The following HGFAC variants were observed in gnomAD, a reference collection of about 807,000 sequenced individuals.
The protein encoded by HGFAC is HGF activator.
A neutral mutation model predicts 70.6 loss-of-function variants in HGFAC; 76 were observed. The observed-to-expected ratio is 1.08, with a 90% CI of 0.89 to 1.30. HGFAC has a LOEUF of 1.30. HGFAC is among the 50% of genes most tolerant of loss of function. The probability of loss-of-function intolerance (pLI) is 0.00; values close to 1 mark genes in which losing one functional copy is unlikely to be tolerated. For missense variants in HGFAC, 1,044 were observed against 933.7 expected (o/e 1.12, Z -1.54); for synonymous variants, 464 against 405.3 (o/e 1.14, Z -1.74).
chr4:3,445,448 T>G, intron 9 of HGFAC, 98 bp downstream of exon 9: 1 of 850,646 alleles, frequency 1.2e-6, no homozygotes, highest in Non-Finnish European at 1.9e-6. Context: ...GGCTACTGCA[T>G]CTCTGACAAA....
At chr4:3,448,067 C>G (rs911647436) in intron 12 of HGFAC, 32 bp downstream of exon 12, 2 of 1,556,564 alleles carry the variant, frequency 1.3e-6, no homozygotes, top group African/African-American at 2.7e-5. Context: ...CAGCGCCCCG[C>G]CAGGGTGGAC....
rs1451139342 is a variant in HGFAC at position 3,442,009 on chromosome 4, G to T, written c.8G>T (p.Arg3Leu). The change falls in exon 1 of 14, where the codon CGC (arginine) becomes CTC (leucine). Residue 3 changes from arginine to leucine, a missense_variant. By Grantham distance (102) the Arg-to-Leu change is moderately radical. Transcript: ENST00000382774. ...CAGGCCAGCTCAGGAGCCATGGGGC[G>T]CTGGGCCTGGGTCCCCAGCCCCTGG... MGRWAWVPSPWPP... is the reference protein window; with the variant it reads MGLWAWVPSPWPP... The T allele has an allele frequency of 6.7e-7, 1 of 1,497,538 alleles. No individual in the cohort carries two copies. The highest frequency in any genetic ancestry group is 8.8e-7 in the Non-Finnish European group (1 of 1,137,638). The allele number at this position is 1,497,538 out of a possible 1,614,324, so 92.8% of individuals were successfully genotyped here.
At position 3,449,239 on chromosome 4, in the gene HGFAC, G is replaced by T; in HGVS notation, c.1788G>T (p.Gly596=). The T allele has an allele frequency of 1.2e-6, 2 of 1,611,558 alleles. No individual in the cohort carries two copies. The highest frequency in any genetic ancestry group is 1.1e-5 in the South Asian group (1 of 90,968). ...YFDCKSDACQ[G]DSGGPLACEK... ...CTCTGACCAACGTCTCTGCCCAGGGGGACTCAGGGGGGCCCCTGGCCTGCG... is the reference window on the plus strand; with the variant it reads ...CTCTGACCAACGTCTCTGCCCAGGGTGACTCAGGGGGGCCCCTGGCCTGCG... Residue 596 remains glycine (G), a splice_region_variant and synonymous_variant, in exon 14 of 14, where the codon GGG becomes GGT. Transcript: ENST00000382774.
Position 3,446,166 on chromosome 4 carries a change from C to G in HGFAC, c.1227C>G (p.Ile409Met), listed in dbSNP as rs769652550. 1 of 1,611,512 alleles carries G rather than the reference C, an allele frequency of 6.2e-7. No individual in the cohort carries two copies. The change falls in exon 10 of 14, where the codon ATC becomes ATG. Residue 409 changes from isoleucine (I) to methionine (M), a missense_variant. Ile to Met is a conservative substitution (Grantham distance 10, BLOSUM62 1). Coordinates refer to ENST00000382774, the MANE Select transcript of HGFAC (RefSeq NM_001528.4). ...KKRTFLRPRI[I>M]GGSSSLPGSH... ...GGACGTTCCTGCGGCCACGTATCATCGGCGGCTCCTCCTCGCTGCCCGGCT... is the reference window on the plus strand; with the variant it reads ...GGACGTTCCTGCGGCCACGTATCATGGGCGGCTCCTCCTCGCTGCCCGGCT...
In HGFAC at chr4:3,442,799, C is replaced by G. The variant is rs138512609; in HGVS notation, c.185C>G (p.Ser62Cys). Residue 62 changes from serine (S) to cysteine (C), a missense_variant, in exon 2 of 14, where the codon TCT (serine) becomes TGT (cysteine). By Grantham distance (112) the Ser-to-Cys change is moderately radical. Coordinates refer to ENST00000382774, the MANE Select transcript of HGFAC (RefSeq NM_001528.4). ...TPAIPTILVT[S>C]VTSETPATSA... Reference sequence around the variant, plus strand: ...GCGATCCCCACTATCCTGGTGACCTCTGTGACCTCTGAGACCCCAGCAACA... The same window carrying G: ...GCGATCCCCACTATCCTGGTGACCTGTGTGACCTCTGAGACCCCAGCAACA... The G allele has an allele frequency of 6.3e-7, 1 of 1,585,888 alleles. No homozygotes were observed. Among genetic ancestry groups the G allele is most frequent in the East Asian group, 2.2e-5 (1 of 44,530 alleles).
chr4:3,442,313 G>A (rs1725343983), intron 1 of HGFAC, among the ~76,000 whole-genome samples, 195 bp downstream of exon 1: 1 of 152,190 alleles, frequency 6.6e-6, no homozygotes. Context: ...CTGGGGCCTG[G>A]GCTCACGGAG....
In HGFAC at chr4:3,443,059, A is replaced by G; in HGVS notation, c.308A>G (p.Glu103Gly). ...SSSPQAQALT[E>G]DGRPCRFPFR... Reference sequence around the variant, plus strand: ...CACCCCCTCCCCACAGCACTCACCGAGGACGGGAGGCCCTGCAGGTTCCCC... The same window carrying G: ...CACCCCCTCCCCACAGCACTCACCGGGGACGGGAGGCCCTGCAGGTTCCCC... Residue 103 changes from glutamate to glycine, a missense_variant, in exon 3 of 14, where the codon GAG becomes GGG. Physicochemically the swap from Glu to Gly is moderately conservative, Grantham distance 98. Coordinates refer to ENST00000382774, the MANE Select transcript of HGFAC (RefSeq NM_001528.4). 5.6e-6 allele frequency: 9 copies of G among 1,598,850 alleles called. No individual in the cohort carries two copies. The highest frequency in any genetic ancestry group is 7.6e-6 in the Non-Finnish European group (9 of 1,178,322).
chr4:3,449,076 C>T (rs1334220306), intron 13 of HGFAC, among the ~76,000 whole-genome samples, 161 bp from the exon 14 acceptor site: 4 of 152,112 alleles, frequency 2.6e-5, no homozygotes, highest in Non-Finnish European at 5.9e-5. Context: ...CCAGTGCTGC[C>T]CCCAGGGAAT....
chr4:3,444,752 C>A lies in HGFAC; in HGVS notation c.841+19C>A, dbSNP rs770592174. 4 of 1,579,114 alleles carry A rather than the reference C, an allele frequency of 2.5e-6. No homozygotes were observed. The highest frequency in any genetic ancestry group is 3.4e-6 in the Non-Finnish European group (4 of 1,166,208). ...AACATCGGTGAGTGGGTCAGCCCCC[C>A]GGGGTGCCCTGGGGCAGTGCCGGGT... is the stretch of plus-strand genomic sequence containing the variant. On this transcript the variant is annotated intron_variant, in intron 7 of 13. Transcript: ENST00000382774.
intron 9 of HGFAC, 142 bp downstream of exon 9, chr4:3,445,492 C>A: frequency 1.4e-6 from 1 of 691,126 alleles, no homozygotes. Context: ...TCAGGCTGGT[C>A]CAAGGTCACG....
At position 3,443,400 on chromosome 4, in the gene HGFAC, C is replaced by A; in HGVS notation, c.455C>A (p.Thr152Asn). 6.7e-7 allele frequency: 1 copy of A among 1,483,174 alleles called. No homozygotes were observed. The highest frequency in any genetic ancestry group is 9.0e-7 in the Non-Finnish European group (1 of 1,115,170). 91.9% of individuals were successfully genotyped at this position (1,483,174 alleles called of 1,614,324 possible). A position where few individuals can be genotyped will look rare whatever the true frequency, so the allele number is the denominator to read the frequency against. Residue 152 changes from threonine (T) to asparagine (N), a missense_variant, in exon 4 of 14, where the codon ACC becomes AAC. Physicochemically the swap from Thr to Asn is moderately conservative, Grantham distance 65. Coordinates refer to ENST00000382774, the MANE Select transcript of HGFAC (RefSeq NM_001528.4). ...DRAWGYCVEA[T>N]PPPGGPAALD... is the part of the protein sequence containing the mutation. ...GCCTGGGGCTACTGTGTGGAGGCCA[C>A]CCCGCCTCCAGGGGGCCCAGGTGGG...
At chr4:3,443,019 G>T in intron 2 of HGFAC, 31 bp from the exon 3 acceptor site, 1 of 1,564,290 alleles carries the variant, frequency 6.4e-7, no homozygotes, top group Non-Finnish European at 8.7e-7. Flanking sequence ...CCCCTCGAGG[G>T]AGCCCTGACC....
In HGFAC at chr4:3,445,328, G is replaced by A; in HGVS notation, c.1080G>A (p.Glu360=). The change falls in exon 9 of 14, where the codon GAG becomes GAA. Residue 360 remains glutamate, a synonymous_variant. Coordinates refer to ENST00000382774, the MANE Select transcript of HGFAC (RefSeq NM_001528.4). The part of the protein sequence containing the change: ...YVVKDSALSW[E]YCRLEACESL... ...TGAAGGACAGCGCGCTCTCCTGGGA[G>A]TACTGCCGCCTGGAGGCCTGCGGTG... 3.2e-6 allele frequency: 5 copies of A among 1,584,400 alleles called. No individual in the cohort carries two copies. The South Asian group carries it at 5.8e-5, about 18-fold the overall frequency.
chr4:3,442,491 C>T (rs1238948970), intron 1 of HGFAC, among the ~76,000 whole-genome samples: 1 of 152,172 alleles, frequency 6.6e-6, no homozygotes, highest in Non-Finnish European at 1.5e-5. Context: ...AGGGTTTAAG[C>T]TTGGTGGGTA....
rs371045188 is a variant in HGFAC at position 3,446,331 on chromosome 4, G to A, written c.1355+37G>A. On this transcript the variant is annotated intron_variant, in intron 10 of 13. Transcript: ENST00000382774. ...CTGGGCCCCAGTCACCTGCCCTGAG[G>A]CCCCACACACCATCCAGCGTCACTA... 3.8e-4 allele frequency: 597 copies of A among 1,586,884 alleles called. 1 individual carries two copies. Among genetic ancestry groups the A allele is most frequent in the Non-Finnish European group, 4.9e-4 (578 of 1,168,844 alleles).
At position 3,442,905 on chromosome 4, in the gene HGFAC, G is replaced by A. The variant is rs1416020341; in HGVS notation, c.291G>A (p.Gln97=). Residue 97 remains glutamine (Q), a synonymous_variant, in exon 2 of 14, where the codon CAG becomes CAA. Coordinates refer to ENST00000382774, the MANE Select transcript of HGFAC (RefSeq NM_001528.4). ...PRAVPSSSSP[Q]AQALTEDGRP... is the part of the protein sequence containing the mutation. Reference sequence around the variant, plus strand: ...CAGTTCCCTCGAGCAGTAGCCCCCAGGCCCAAGGTGGGTCAGGTGGGCCTG... The same window carrying A: ...CAGTTCCCTCGAGCAGTAGCCCCCAAGCCCAAGGTGGGTCAGGTGGGCCTG... 6.4e-7 allele frequency: 1 copy of A among 1,563,152 alleles called. No individual in the cohort carries two copies. Among genetic ancestry groups the A allele is most frequent in the Non-Finnish European group, 8.6e-7 (1 of 1,156,262 alleles).
rs750409456 is a variant in HGFAC at position 3,445,237 on chromosome 4, C to T, written c.1017-28C>T. ...CCCTCTTCGAGGGGCAGTGTGACTC[C>T]CTGCCAGCCCCCACTTATGCACCGC... On this transcript the variant is annotated intron_variant, in intron 8 of 13. Coordinates refer to ENST00000382774, the MANE Select transcript of HGFAC (RefSeq NM_001528.4). 12 of 1,533,522 alleles carry T rather than the reference C, an allele frequency of 7.8e-6. No homozygotes were observed. In the East Asian group the frequency reaches 2.9e-4, roughly 37 times the overall value. The allele number at this position is 1,533,522 out of a possible 1,614,324, so 95.0% of individuals were successfully genotyped here. A position where few individuals can be genotyped will look rare whatever the true frequency, so the allele number is the denominator to read the frequency against.
At position 3,447,884 on chromosome 4, in the gene HGFAC, C is replaced by G. The variant is rs569896809; in HGVS notation, c.1496-11C>G. Reference sequence around the variant, plus strand: ...ACACCACAGGCTGACCCTGGCCACTCTTCTGATCAGTCCTGATCCGGCTGA... The same window carrying G: ...ACACCACAGGCTGACCCTGGCCACTGTTCTGATCAGTCCTGATCCGGCTGA... On this transcript the variant is annotated splice_polypyrimidine_tract_variant and intron_variant, in intron 11 of 13. Transcript: ENST00000382774. The G allele has an allele frequency of 6.2e-7, 1 of 1,609,832 alleles. No homozygotes were observed. Among genetic ancestry groups the G allele is most frequent in the East Asian group, 2.2e-5 (1 of 44,764 alleles).
chr4:3,442,535 G>A (rs532034877), intron 1 of HGFAC, among the ~76,000 whole-genome samples, 197 bp from the exon 2 acceptor site: 1 of 152,264 alleles, frequency 6.6e-6, no homozygotes, highest in East Asian at 1.9e-4. Flanking sequence ...ACCCTGAGCA[G>A]GTGTTAACTA....
Sources: allele counts gnomAD v4.1 joint callset (sites outside exome capture counted in the v4.1 genomes callset), GRCh38; gene constraint gnomAD v4.1.1; transcripts MANE v1.5; gene names NCBI Gene and HGNC (gene_info 2026-07-23, HGNC 2026-07-21).